MSH3: variants seen among roughly 807,000 people sequenced by gnomAD.
MSH3 encodes the protein mutS homolog 3.
MSH3 carries 106 observed loss-of-function variants against 123.3 expected under a neutral mutation model. The ratio of observed to expected loss-of-function variants is 0.86; its 90% CI spans 0.73 to 1.01. The LOEUF is 1.01. Among genes scored for constraint, MSH3 ranks in the 50% least tolerant of loss-of-function variants. The probability of loss-of-function intolerance (pLI) is 0.00; values close to 1 mark genes in which losing one functional copy is unlikely to be tolerated. For missense variants in MSH3, 1,459 were observed against 1,347.6 expected (o/e 1.08, Z -1.29); for synonymous variants, 515 against 481.4 (o/e 1.07, Z -0.91).
intron 12 of MSH3, among the ~76,000 whole-genome samples, chr5:80,757,920 A>AT (rs1207644829): frequency 6.6e-6 from 1 of 152,180 alleles, no homozygotes; most frequent in African/African-American, 2.4e-5. Flanking sequence ...GCTTATTTCC[A>AT]TTCTGATCTT....
At chr5:80,832,388 G>A (rs562641125) in intron 20 of MSH3, among the ~76,000 whole-genome samples, 2 of 152,266 alleles carry the variant, frequency 1.3e-5, no homozygotes, top group South Asian at 4.1e-4. Context: ...AGGAGGCTGA[G>A]GTGGGCAGAT....
chr5:80,714,964 G>T (rs567460604), intron 8 of MSH3, among the ~76,000 whole-genome samples: 2 of 152,332 alleles, frequency 1.3e-5, no homozygotes, highest in South Asian at 4.1e-4. Context: ...ACAGATGGGA[G>T]AATATCCTCC....
intron 20 of MSH3, among the ~76,000 whole-genome samples, chr5:80,821,542 A>G (rs1745205638): frequency 6.6e-6 from 1 of 152,242 alleles, no homozygotes; most frequent in Non-Finnish European, 1.5e-5. Flanking sequence ...TTAATAAAGA[A>G]TTACACGTGC....
chr5:80,679,647 T>G (rs1229056358), intron 8 of MSH3, among the ~76,000 whole-genome samples: 1 of 152,202 alleles, frequency 6.6e-6, no homozygotes, highest in Non-Finnish European at 1.5e-5. Flanking sequence ...ATCAGACCAC[T>G]TACGTATGAA....
At chr5:80,754,963 C>T (rs1743900125) in intron 12 of MSH3, among the ~76,000 whole-genome samples, 1 of 152,190 alleles carries the variant, frequency 6.6e-6, no homozygotes, top group South Asian at 2.1e-4. Context: ...AAATGAACTA[C>T]ACCGGGAAGC....
chr5:80,706,901 A>T (rs1750736450), intron 8 of MSH3, among the ~76,000 whole-genome samples: 1 of 152,248 alleles, frequency 6.6e-6, no homozygotes, highest in African/African-American at 2.4e-5. Context: ...AATAAAATTT[A>T]TACATTTTAA....
At chr5:80,772,189 A>G (rs1317889722) in intron 15 of MSH3, among the ~76,000 whole-genome samples, 1 of 152,198 alleles carries the variant, frequency 6.6e-6, no homozygotes, top group East Asian at 1.9e-4. Flanking sequence ...GGAAAAAGAA[A>G]AATATTGGAA....
At chr5:80,717,842 T>G (rs946801052) in intron 8 of MSH3, among the ~76,000 whole-genome samples, 4 of 152,216 alleles carry the variant, frequency 2.6e-5, no homozygotes, top group African/African-American at 9.6e-5. Flanking sequence ...TTTTTGGTAT[T>G]GGGTTGTTTG....
chr5:80,702,976 C>T (rs1186393664), intron 8 of MSH3, among the ~76,000 whole-genome samples: 1 of 152,168 alleles, frequency 6.6e-6, no homozygotes, highest in Non-Finnish European at 1.5e-5. Context: ...CATGCCACTG[C>T]ACTCCTCCCT....
intron 11 of MSH3, among the ~76,000 whole-genome samples, chr5:80,742,294 G>A (rs900969037): frequency 6.6e-6 from 1 of 152,214 alleles, no homozygotes; most frequent in African/African-American, 2.4e-5. Context: ...ACAGGCGTAA[G>A]CAAACGCACC....
intron 20 of MSH3, 48 bp downstream of exon 20, chr5:80,813,789 C>T (rs774517134): frequency 1.4e-5 from 23 of 1,588,772 alleles, no homozygotes; most frequent in Non-Finnish European, 1.8e-5. Context: ...ATAAGTCAAG[C>T]CCACATTATC....
At chr5:80,853,017 C>T (rs1433168509) in intron 20 of MSH3, among the ~76,000 whole-genome samples, 1 of 152,138 alleles carries the variant, frequency 6.6e-6, no homozygotes, top group East Asian at 1.9e-4. Context: ...CTGAGTATTA[C>T]CTAATAATGA....
chr5:80,740,715 T>TG (rs1422433151), intron 10 of MSH3, among the ~76,000 whole-genome samples: 1 of 140,864 alleles, frequency 7.1e-6, no homozygotes, highest in Non-Finnish European at 1.6e-5. Flanking sequence ...GTTAGAATCT[T>TG]TTTTTTTTTT....
chr5:80,810,451 G>T (rs968541661), intron 19 of MSH3, among the ~76,000 whole-genome samples: 2 of 151,986 alleles, frequency 1.3e-5, no homozygotes, highest in Non-Finnish European at 2.9e-5. Flanking sequence ...ATGCTTAAAA[G>T]AGGAATTGCT....
chr5:80,729,430 A>AAAATG (rs1491210653), intron 10 of MSH3, among the ~76,000 whole-genome samples: 11 of 78,368 alleles, frequency 1.4e-4, no homozygotes, highest in African/African-American at 2.2e-4. Flanking sequence ...AAAAAAAAAA[A>AAAATG]TGTGTGTGTG....
intron 20 of MSH3, among the ~76,000 whole-genome samples, chr5:80,830,392 A>G (rs769043954): frequency 6.6e-6 from 1 of 152,190 alleles, no homozygotes; most frequent in Non-Finnish European, 1.5e-5. Flanking sequence ...CTAACATTTT[A>G]TAGGAAGAAA....
At chr5:80,721,264 C>A (rs916095054) in intron 8 of MSH3, among the ~76,000 whole-genome samples, 6 of 151,942 alleles carry the variant, frequency 3.9e-5, no homozygotes, top group Non-Finnish European at 8.8e-5. Flanking sequence ...TAACAATTAC[C>A]CTGTTATCCT....
intron 15 of MSH3, among the ~76,000 whole-genome samples, chr5:80,771,247 G>C (rs1486713786): frequency 2.0e-5 from 3 of 152,188 alleles, no homozygotes; most frequent in Non-Finnish European, 4.4e-5. Context: ...ACTTTGGGAA[G>C]CCAAGGCAGG....
chr5:80,850,537 G>T (rs1263388329), intron 20 of MSH3, among the ~76,000 whole-genome samples: 1 of 152,170 alleles, frequency 6.6e-6, no homozygotes, highest in African/African-American at 2.4e-5. Flanking sequence ...ACATCTTATG[G>T]GGATGGCAGC....
Sources: allele counts gnomAD v4.1 joint callset (sites outside exome capture counted in the v4.1 genomes callset), GRCh38; gene constraint gnomAD v4.1.1; transcripts MANE v1.5; gene names NCBI Gene and HGNC (gene_info 2026-07-23, HGNC 2026-07-21).